HVCN1: variants seen among roughly 807,000 people sequenced by gnomAD.
The protein encoded by HVCN1 is hydrogen voltage gated channel 1.
HVCN1 carries 14 observed loss-of-function variants against 29.2 expected under a neutral mutation model. The observed-to-expected ratio is 0.48, with a 90% CI of 0.32 to 0.75. HVCN1 has a LOEUF of 0.75. Ranked by LOEUF, HVCN1 falls within the 30% of genes least tolerant of loss-of-function variation. HVCN1 has a pLI of 0.04. For missense variants in HVCN1, 263 were observed against 341.8 expected, an observed-to-expected ratio of 0.77 and a Z score of 1.82; for synonymous variants, 131 against 133.2, an observed-to-expected ratio of 0.98 and a Z score of 0.11.
intron 3 of HVCN1, among the ~76,000 whole-genome samples, chr12:110,666,768 T>A (rs2068376025): frequency 6.6e-6 from 1 of 152,174 alleles, no homozygotes; most frequent in Admixed American, 6.5e-5. Flanking sequence ...AGCTAAAATG[T>A]CAGTTCCTCA....
At chr12:110,673,596 C>G (rs574016594) in intron 3 of HVCN1, among the ~76,000 whole-genome samples, 48 of 152,184 alleles carry the variant, frequency 3.2e-4, no homozygotes, top group Non-Finnish European at 6.5e-4. Context: ...ACCCAGAGGC[C>G]CAGGAGGAAA....
chr12:110,698,506 G>A (rs369113631), intron 2 of HVCN1, among the ~76,000 whole-genome samples: 10 of 152,194 alleles, frequency 6.6e-5, no homozygotes, highest in East Asian at 3.9e-4. Context: ...TTCCGCAGCC[G>A]CTGCAGCACT....
In HVCN1 at chr12:110,661,114, C is replaced by T. The variant is rs373407804; in HGVS notation, c.306+50G>A. ...GCCTGGCCGCCTGCCTCACATTCCC[C>T]GATGGCTCTCCTGCCAGCTCTGGGT... On this transcript the variant is annotated intron_variant, in intron 4 of 7. Coordinates refer to ENST00000242607, the MANE Select transcript of HVCN1 (RefSeq NM_032369.4). The surrounding 1 kb of genome is among the most constrained non-coding windows in gnomAD (Gnocchi z 6.2). 5.7e-5 allele frequency: 88 copies of T among 1,535,306 alleles called. No homozygotes were observed. In the African/African-American group the frequency reaches 7.1e-4, roughly 12 times the overall value.
In HVCN1 at chr12:110,658,841, G is replaced by GAATAAACA. The variant is rs1269801758; in HGVS notation, c.306+2315_306+2322dup. Among the ~76,000 whole-genome samples, 1 of 152,208 alleles carries GAATAAACA rather than the reference G, an allele frequency of 6.6e-6. No individual in the cohort carries two copies. Among genetic ancestry groups the GAATAAACA allele is most frequent in the Non-Finnish European group, 1.5e-5 (1 of 68,040 alleles). On this transcript the variant is annotated intron_variant, in intron 4 of 7. Coordinates refer to ENST00000242607, the MANE Select transcript of HVCN1 (RefSeq NM_032369.4). This position sits in a 1 kb window ranked among gnomAD's most constrained non-coding sequence, Gnocchi z 5.0. ...CTCAATAAGTGACTGTTGGGTGGGTGAATAAACACCTCCACTCACTTTATG... is the reference window on the plus strand; with the variant it reads ...CTCAATAAGTGACTGTTGGGTGGGTGAATAAACAAATAAACACCTCCACTCACTTTATG...
chr12:110,687,692 T>C (rs1421654378), intron 2 of HVCN1, among the ~76,000 whole-genome samples: 1 of 152,078 alleles, frequency 6.6e-6, no homozygotes, highest in Non-Finnish European at 1.5e-5. Context: ...CAGGATATGC[T>C]TTGGGTTAGA....
intron 5 of HVCN1, among the ~76,000 whole-genome samples, chr12:110,653,939 A>G (rs2067901045): frequency 6.6e-6 from 1 of 152,150 alleles, no homozygotes; most frequent in Admixed American, 6.5e-5. Context: ...GCTCCATGGG[A>G]GAAAAACCTT....
intron 2 of HVCN1, among the ~76,000 whole-genome samples, chr12:110,702,150 G>A (rs970783061): frequency 2.0e-5 from 3 of 151,864 alleles, no homozygotes; most frequent in Non-Finnish European, 4.4e-5. Flanking sequence ...ACAAAGTAAT[G>A]ATCTAGAAGA....
chr12:110,681,002 C>T (rs1361728955), intron 3 of HVCN1, among the ~76,000 whole-genome samples: 1 of 152,178 alleles, frequency 6.6e-6, no homozygotes, highest in Non-Finnish European at 1.5e-5. Flanking sequence ...GTCAGATTCG[C>T]ACCTGTTCAG....
intron 2 of HVCN1, among the ~76,000 whole-genome samples, chr12:110,685,108 T>G (rs888513593): frequency 2.0e-5 from 3 of 152,220 alleles, no homozygotes; most frequent in Admixed American, 6.5e-5. Flanking sequence ...ATGATTAAGT[T>G]GCAGCTCTCA....
chr12:110,655,882 T>C (rs2067974252), intron 4 of HVCN1, among the ~76,000 whole-genome samples: 1 of 152,028 alleles, frequency 6.6e-6, no homozygotes, highest in Non-Finnish European at 1.5e-5. Flanking sequence ...TTTTTGTATT[T>C]TTAGTAGAGA....
At chr12:110,657,398 G>C (rs767623805) in intron 4 of HVCN1, among the ~76,000 whole-genome samples, 3 of 152,016 alleles carry the variant, frequency 2.0e-5, no homozygotes, top group Non-Finnish European at 4.4e-5. Context: ...GGGAGGCTGA[G>C]GTAGGAGAAT....
intron 3 of HVCN1, among the ~76,000 whole-genome samples, chr12:110,672,529 C>G (rs752035631): frequency 8.5e-5 from 13 of 152,126 alleles, no homozygotes; most frequent in Non-Finnish European, 1.9e-4. Flanking sequence ...AAAATCAACC[C>G]CAACTCCCAG....
At chr12:110,655,202 A>T in intron 5 of HVCN1, 32 bp downstream of exon 5, 3 of 1,526,038 alleles carry the variant, frequency 2.0e-6, no homozygotes, top group Non-Finnish European at 1.8e-6. Context: ...AAAACATATC[A>T]GTAAGACCCC....
At chr12:110,699,784 G>A (rs1323597369) in intron 2 of HVCN1, among the ~76,000 whole-genome samples, 2 of 152,120 alleles carry the variant, frequency 1.3e-5, no homozygotes, top group Non-Finnish European at 2.9e-5. Flanking sequence ...CATGAGGTAG[G>A]CCCTCCGATG....
At chr12:110,697,673 T>C (rs1308256073) in intron 2 of HVCN1, among the ~76,000 whole-genome samples, 2 of 146,256 alleles carry the variant, frequency 1.4e-5, no homozygotes, top group African/African-American at 2.6e-5. Context: ...TTTTTTGAGA[T>C]GGAGTCTTGC....
At chr12:110,691,880 T>G (rs2069412274), upstream of HVCN1, among the ~76,000 whole-genome samples, 2 of 152,190 alleles carry the variant, frequency 1.3e-5, no homozygotes, top group Admixed American at 1.3e-4. Context: ...ACCTTACTGA[T>G]GGCCTGGAAC....
At chr12:110,674,298 C>T (rs1051559362) in intron 3 of HVCN1, among the ~76,000 whole-genome samples, 9 of 152,302 alleles carry the variant, frequency 5.9e-5, no homozygotes, top group Admixed American at 1.3e-4. Flanking sequence ...CTGTAACCCC[C>T]CTGCATGTAG....
chr12:110,662,141 A>G (rs569293142), intron 3 of HVCN1, among the ~76,000 whole-genome samples: 54 of 152,168 alleles, frequency 3.5e-4, no homozygotes, highest in Non-Finnish European at 7.6e-4. Context: ...AGAGAGCCCA[A>G]TGTCCCTGAG....
At position 110,683,249 on chromosome 12, in the gene HVCN1, C is replaced by T; in HGVS notation, c.-4G>A. ...CCTTTTCGTCCCAGGTGGCCATGTC[C>T]CTGTTGCCTCTGGATCTGAAAAATA... On this transcript the variant is annotated 5_prime_UTR_variant, in exon 3 of 8. Transcript: ENST00000242607. The T allele has an allele frequency of 2.5e-6, 4 of 1,608,404 alleles. No individual in the cohort carries two copies. Among genetic ancestry groups the T allele is most frequent in the Non-Finnish European group, 3.4e-6 (4 of 1,178,456 alleles).
Sources: gnomAD v4.1 joint callset for allele counts (sites outside exome capture counted in the v4.1 genomes callset) on GRCh38, gnomAD v4.1.1 for gene constraint, Gnocchi (gnomAD v3.1) non-coding constraint, MANE v1.5 for transcripts, NCBI Gene and HGNC (gene_info 2026-07-23, HGNC 2026-07-21) for gene names.